The following SORCS1 variants were observed in gnomAD, a reference collection of about 807,000 sequenced individuals.
SORCS1 encodes the protein sortilin related VPS10 domain containing receptor 1.
SORCS1 carries 60 observed loss-of-function variants against 146.1 expected under a neutral mutation model. That is an observed-to-expected ratio of 0.41 (90% CI 0.33 to 0.51). The LOEUF is 0.51. SORCS1 is among the 20% of genes least tolerant of loss of function. The pLI is 0.21. For synonymous variants in SORCS1, 637 were observed against 584.0 expected (o/e 1.09, Z -1.31); for missense variants, 1,352 against 1,487.6 (o/e 0.91, Z 1.50).
intron 2 of SORCS1, among the ~76,000 whole-genome samples, chr10:106,928,851 T>G (rs1381182263): frequency 1.3e-5 from 2 of 152,098 alleles, no homozygotes; most frequent in Non-Finnish European, 2.9e-5. Flanking sequence ...TTTTATCTAT[T>G]TTTTGCCTTT....
intron 1 of SORCS1, among the ~76,000 whole-genome samples, chr10:106,981,093 A>T (rs955357466): frequency 6.6e-6 from 1 of 152,192 alleles, no homozygotes; most frequent in Admixed American, 6.5e-5. Context: ...TGACTCAGAA[A>T]GTCTATTTTC....
At chr10:107,136,513 A>T (rs141091544) in intron 1 of SORCS1, among the ~76,000 whole-genome samples, 1 of 151,990 alleles carries the variant, frequency 6.6e-6, no homozygotes, top group Non-Finnish European at 1.5e-5. Context: ...TTCAGTGCAG[A>T]AAAAAAACAA....
intron 5 of SORCS1, among the ~76,000 whole-genome samples, chr10:106,748,070 A>C (rs565685640): frequency 6.6e-6 from 1 of 152,338 alleles, no homozygotes; most frequent in East Asian, 1.9e-4. Flanking sequence ...GTACATCAGT[A>C]GGTATCTTAT....
At chr10:106,947,500 C>T (rs960603138) in intron 2 of SORCS1, among the ~76,000 whole-genome samples, 12 of 152,116 alleles carry the variant, frequency 7.9e-5, no homozygotes, top group African/African-American at 2.9e-4. Flanking sequence ...GCTGTCAGAC[C>T]ATTAAGCATG....
rs975939657 is a variant in SORCS1, at chr10:106,707,513, T to A, written c.1144-879A>T. ...ACTGTGCCCAGCCTTTTTGAAAAAATTTTTAAAGCTAAATCTCACTCTATT... is the reference window on the plus strand; with the variant it reads ...ACTGTGCCCAGCCTTTTTGAAAAAAATTTTAAAGCTAAATCTCACTCTATT... On this transcript the variant is annotated intron_variant, in intron 7 of 25. Coordinates refer to ENST00000263054, the MANE Select transcript of SORCS1 (RefSeq NM_052918.5). 6.6e-5 allele frequency among the ~76,000 whole-genome samples: 10 copies of A among 152,006 alleles called. No homozygotes were observed. The East Asian group carries it at 7.8e-4, about 12-fold the overall frequency.
chr10:106,638,698 T>A (rs1296900293), intron 18 of SORCS1, among the ~76,000 whole-genome samples: 2 of 152,222 alleles, frequency 1.3e-5, no homozygotes, highest in Non-Finnish European at 2.9e-5. Context: ...TTTCTTGCCC[T>A]GGAAGTCACT....
chr10:106,672,777 C>G, intron 15 of SORCS1, 91 bp downstream of exon 15: 1 of 1,028,056 alleles, frequency 9.7e-7, no homozygotes, highest in Non-Finnish European at 1.5e-6. Flanking sequence ...TGGCCTAGAG[C>G]ATCCTAGTTC....
intron 2 of SORCS1, among the ~76,000 whole-genome samples, chr10:106,863,038 A>T (rs1204605128): frequency 6.6e-6 from 1 of 152,146 alleles, no homozygotes; most frequent in Non-Finnish European, 1.5e-5. Context: ...GTAAGAAAAA[A>T]TCTGATAATA....
In SORCS1 at chr10:106,740,624, G is replaced by GA. The variant is rs372667441; in HGVS notation, c.960-10511dup. On this transcript the variant is annotated intron_variant, in intron 5 of 25. Transcript: ENST00000263054. ...AAATACAAGGCATTTAGCTCCATCA[G>GA]AAAAAAAAACCCATTGTTCCCCGGT... 1.4e-4 allele frequency among the ~76,000 whole-genome samples: 21 copies of GA among 151,126 alleles called. 1 individual carries two copies. Among genetic ancestry groups the GA allele is most frequent in the African/African-American group, 3.2e-4 (13 of 41,198 alleles).
chr10:107,122,634 T>C (rs768748131), intron 1 of SORCS1, among the ~76,000 whole-genome samples: 1 of 152,212 alleles, frequency 6.6e-6, no homozygotes, highest in Non-Finnish European at 1.5e-5. Context: ...TTGATGCTGA[T>C]GGCACAATAG....
chr10:107,151,572 C>G (rs143030662), intron 1 of SORCS1, among the ~76,000 whole-genome samples: 1 of 152,108 alleles, frequency 6.6e-6, no homozygotes, highest in East Asian at 1.9e-4. Context: ...TTAACTATGA[C>G]GAGAATAGCA....
At chr10:107,154,671 C>T (rs529397248) in intron 1 of SORCS1, among the ~76,000 whole-genome samples, 1 of 151,938 alleles carries the variant, frequency 6.6e-6, no homozygotes, top group Non-Finnish European at 1.5e-5. Flanking sequence ...AGAACTGGAC[C>T]GAGAGAACCT....
chr10:106,878,252 A>T, intron 2 of SORCS1, among the ~76,000 whole-genome samples: 1 of 145,050 alleles, frequency 6.9e-6, no homozygotes, highest in East Asian at 2.0e-4. Flanking sequence ...CTTCTGGGGG[A>T]CTCCTTGTGG....
chr10:106,998,881 C>A (rs1957102851), intron 1 of SORCS1, among the ~76,000 whole-genome samples: 1 of 152,206 alleles, frequency 6.6e-6, no homozygotes, highest in Admixed American at 6.5e-5. Context: ...TAGAATCAGA[C>A]TGCAAAGACA....
At chr10:106,630,274 T>C (rs1479964087) in intron 18 of SORCS1, among the ~76,000 whole-genome samples, 1 of 152,242 alleles carries the variant, frequency 6.6e-6, no homozygotes, top group African/African-American at 2.4e-5. Flanking sequence ...TGGTTAATTC[T>C]TTTATGCTTT....
At chr10:107,102,256 G>C (rs917711632) in intron 1 of SORCS1, among the ~76,000 whole-genome samples, 5 of 152,122 alleles carry the variant, frequency 3.3e-5, no homozygotes, top group Non-Finnish European at 1.5e-5. Flanking sequence ...CTGTGGAGCT[G>C]GTTCTGATAT....
chr10:106,861,451 T>A (rs1950013255), intron 2 of SORCS1, among the ~76,000 whole-genome samples: 1 of 147,462 alleles, frequency 6.8e-6, no homozygotes, highest in Non-Finnish European at 1.5e-5. Flanking sequence ...ACTTACCAAA[T>A]GAAGTCAATG....
intron 2 of SORCS1, among the ~76,000 whole-genome samples, chr10:106,945,800 G>A (rs569455353): frequency 6.6e-6 from 1 of 152,296 alleles, no homozygotes; most frequent in Non-Finnish European, 1.5e-5. Flanking sequence ...AATCACTGAG[G>A]CAAACAAGGA....
intron 19 of SORCS1, among the ~76,000 whole-genome samples, chr10:106,623,961 A>T (rs1013568387): frequency 4.6e-5 from 7 of 152,202 alleles, no homozygotes; most frequent in Non-Finnish European, 1.0e-4. Context: ...CTGGGACTAC[A>T]GGCGTGAGTC....
Sources: gnomAD v4.1 joint callset for allele counts (sites outside exome capture counted in the v4.1 genomes callset) on GRCh38, gnomAD v4.1.1 for gene constraint, MANE v1.5 for transcripts, NCBI Gene and HGNC (gene_info 2026-07-23, HGNC 2026-07-21) for gene names.